CTIF: variants seen among roughly 807,000 people sequenced by gnomAD.
CTIF encodes the protein CBP80/20-dependent translation initiation factor.
Under a neutral mutation model 66.0 loss-of-function variants are expected in CTIF, and 21 were observed. The ratio of observed to expected loss-of-function variants is 0.32; its 90% CI spans 0.23 to 0.46. The LOEUF (loss-of-function observed/expected upper bound fraction) is 0.46. CTIF is among the 20% of genes least tolerant of loss of function. The pLI, the probability that CTIF is intolerant of heterozygous loss-of-function variation, is 1.00. For synonymous variants in CTIF, 345 were observed against 326.4 expected, an observed-to-expected ratio of 1.06 and a Z score of -0.62; for missense variants, 739 against 812.7, an observed-to-expected ratio of 0.91 and a Z score of 1.10.
intron 1 of CTIF, among the ~76,000 whole-genome samples, chr18:48,604,177 T>TG (rs1431631395): frequency 8.3e-6 from 1 of 120,204 alleles, no homozygotes; most frequent in Non-Finnish European, 1.8e-5. Flanking sequence ...GGTTTTTTTT[T>TG]TTTTTTTTTT....
intron 3 of CTIF, among the ~76,000 whole-genome samples, chr18:48,649,420 C>T (rs558831489): frequency 5.4e-4 from 82 of 152,352 alleles, no homozygotes; most frequent in African/African-American, 1.1e-3. Flanking sequence ...CCATTGCTGA[C>T]GCTTGAGTAG....
intron 1 of CTIF, among the ~76,000 whole-genome samples, chr18:48,610,474 G>T (rs1166147926): frequency 2.0e-5 from 3 of 152,016 alleles, no homozygotes; most frequent in Non-Finnish European, 4.4e-5. Context: ...TGCCCGGGTG[G>T]GTTGCTGTTT....
intron 9 of CTIF, among the ~76,000 whole-genome samples, chr18:48,783,773 G>C (rs879261148): frequency 6.6e-6 from 1 of 152,058 alleles, no homozygotes; most frequent in Admixed American, 6.5e-5. Flanking sequence ...CCACCATCCC[G>C]TAGGCCGGGG....
At chr18:48,627,499 A>C (rs545670698) in intron 2 of CTIF, among the ~76,000 whole-genome samples, 1 of 152,214 alleles carries the variant, frequency 6.6e-6, no homozygotes, top group South Asian at 2.1e-4. Flanking sequence ...CAGGTGGATC[A>C]CTTGAGCCCA....
At chr18:48,667,587 C>T (rs1045141140) in intron 5 of CTIF, among the ~76,000 whole-genome samples, 1 of 152,218 alleles carries the variant, frequency 6.6e-6, no homozygotes, top group Non-Finnish European at 1.5e-5. Context: ...CAGAGATGAA[C>T]TAACTTCCTA....
chr18:48,791,853 C>T (rs1482022773), intron 9 of CTIF, among the ~76,000 whole-genome samples: 1 of 152,172 alleles, frequency 6.6e-6, no homozygotes, highest in East Asian at 1.9e-4. Flanking sequence ...GCTTTTGCCA[C>T]CTGGTGTTCT....
chr18:48,602,054 G>C (rs377503089), intron 1 of CTIF, among the ~76,000 whole-genome samples: 16 of 152,352 alleles, frequency 1.1e-4, no homozygotes, highest in African/African-American at 3.4e-4. Flanking sequence ...CACCCTTGCT[G>C]TTGCCAGATG....
At chr18:48,748,457 G>T (rs1319978179) in intron 7 of CTIF, among the ~76,000 whole-genome samples, 1 of 152,150 alleles carries the variant, frequency 6.6e-6, no homozygotes, top group African/African-American at 2.4e-5. Flanking sequence ...TGGAAGGAAA[G>T]CCAGAAGCCT....
At chr18:48,547,922 C>T (rs1036341579) in intron 1 of CTIF, among the ~76,000 whole-genome samples, 2 of 152,154 alleles carry the variant, frequency 1.3e-5, no homozygotes, top group East Asian at 1.9e-4. Context: ...TTCCTTCCTC[C>T]GACGCCCAGA....
At chr18:48,743,270 C>T (rs1458352946) in intron 7 of CTIF, among the ~76,000 whole-genome samples, 10 of 152,324 alleles carry the variant, frequency 6.6e-5, no homozygotes, top group South Asian at 4.1e-4. Context: ...TGTGTCCACA[C>T]GGAGCCAAGG....
chr18:48,554,183 G>C (rs1227881562), intron 1 of CTIF, among the ~76,000 whole-genome samples: 1 of 152,170 alleles, frequency 6.6e-6, no homozygotes, highest in East Asian at 1.9e-4. Context: ...TGGCATTGTT[G>C]TGAGGTGCCT....
At chr18:48,603,977 T>C (rs2090155437) in intron 1 of CTIF, among the ~76,000 whole-genome samples, 2 of 151,194 alleles carry the variant, frequency 1.3e-5, no homozygotes, top group Non-Finnish European at 1.5e-5. Flanking sequence ...GCCTCTCGAG[T>C]AGCTGGGACT....
rs9960507 is a variant in CTIF, at chr18:48,707,382, T to A, written c.508-4237T>A. Among the ~76,000 whole-genome samples, 5 of 152,222 alleles carry A rather than the reference T, an allele frequency of 3.3e-5. No homozygotes were observed. The East Asian group carries it at 9.7e-4, about 29-fold the overall frequency. On this transcript the variant is annotated intron_variant, in intron 6 of 11. Transcript: ENST00000256413. Reference sequence around the variant, plus strand: ...TTTCCAGATTTCAGGAACGTATTGGTCCTTCCTGTCATTGGGTGCCACTTG... The same window carrying A: ...TTTCCAGATTTCAGGAACGTATTGGACCTTCCTGTCATTGGGTGCCACTTG...
At chr18:48,646,096 T>C (rs1293041284) in intron 3 of CTIF, among the ~76,000 whole-genome samples, 2 of 152,184 alleles carry the variant, frequency 1.3e-5, no homozygotes, top group South Asian at 2.1e-4. Context: ...ATTTTTGCTC[T>C]GGGAAGGACC....
intron 1 of CTIF, among the ~76,000 whole-genome samples, chr18:48,585,570 C>G (rs932493805): frequency 6.6e-6 from 1 of 152,196 alleles, no homozygotes; most frequent in African/African-American, 2.4e-5. Context: ...GGAAGGATGA[C>G]AGTACTGTTT....
intron 1 of CTIF, among the ~76,000 whole-genome samples, chr18:48,599,329 GT>G (rs34987708): frequency 0.011 from 1,631 of 147,394 alleles, 27 homozygotes; most frequent in African/African-American, 0.036. Flanking sequence ...CCTCTTAAAG[GT>G]TTTTTTTTTT....
At chr18:48,656,336 A>G (rs116735801) in intron 3 of CTIF, among the ~76,000 whole-genome samples, 3,349 of 152,338 alleles carry the variant, frequency 0.022, 131 homozygotes, top group African/African-American at 0.077. Flanking sequence ...GGCTCCATGA[A>G]CATTGGCAGG....
At chr18:48,705,229 A>G (rs2145425589) in intron 6 of CTIF, among the ~76,000 whole-genome samples, 1 of 152,222 alleles carries the variant, frequency 6.6e-6, no homozygotes, top group South Asian at 2.1e-4. Flanking sequence ...TCCTTCTTCC[A>G]AGGCTCTAGG....
At chr18:48,643,163 G>A (rs777166486) in intron 3 of CTIF, among the ~76,000 whole-genome samples, 3 of 152,160 alleles carry the variant, frequency 2.0e-5, no homozygotes, top group Non-Finnish European at 2.9e-5. Context: ...TAAACTTGTG[G>A]GGGCCTAGGG....
Sources: gnomAD v4.1 joint callset for allele counts (sites outside exome capture counted in the v4.1 genomes callset) on GRCh38, gnomAD v4.1.1 for gene constraint, MANE v1.5 for transcripts, NCBI Gene and HGNC (gene_info 2026-07-23, HGNC 2026-07-21) for gene names.